KCNIP4: variants seen among roughly 807,000 people sequenced by gnomAD.
KCNIP4 encodes Kv channel-interacting protein 4.
A neutral mutation model predicts 34.0 loss-of-function variants in KCNIP4; 12 were observed. That is an observed-to-expected ratio of 0.35 (90% CI 0.23 to 0.57). The LOEUF (loss-of-function observed/expected upper bound fraction) is 0.57. KCNIP4 is among the 20% of genes least tolerant of loss of function. KCNIP4 has a pLI of 0.83. For missense variants in KCNIP4, 238 were observed against 311.7 expected (o/e 0.76, Z 1.78); for synonymous variants, 124 against 102.2 (o/e 1.21, Z -1.29).
intron 1 of KCNIP4, among the ~76,000 whole-genome samples, chr4:21,891,409 T>C (rs2109402253): frequency 6.6e-6 from 1 of 152,032 alleles, no homozygotes; most frequent in East Asian, 1.9e-4. Context: ...GAGAATTCCA[T>C]AGGAAAGTTC....
chr4:21,512,650 T>C (rs1409838260), intron 1 of KCNIP4, among the ~76,000 whole-genome samples: 1 of 152,158 alleles, frequency 6.6e-6, no homozygotes, highest in African/African-American at 2.4e-5. Context: ...CAAATGGCAA[T>C]AGGTTCATCT....
chr4:21,861,229 A>G (rs1725054457), intron 1 of KCNIP4, among the ~76,000 whole-genome samples: 1 of 152,204 alleles, frequency 6.6e-6, no homozygotes, highest in Admixed American at 6.5e-5. Context: ...ATAACCACAC[A>G]ATGGGAGTTA....
At chr4:20,921,661 A>T (rs1462510316) in intron 1 of KCNIP4, among the ~76,000 whole-genome samples, 5 of 152,222 alleles carry the variant, frequency 3.3e-5, no homozygotes, top group African/African-American at 4.8e-5. Flanking sequence ...AGAATTGCAG[A>T]ATTTAAATTA....
chr4:20,977,167 C>A lies in KCNIP4; in HGVS notation c.62-94458G>T, dbSNP rs926582687. ...CTTTAAACCACAAAATAATCAAATA[C>A]CTCCTATCCCAGCTAATATGAGTAA... is the stretch of plus-strand genomic sequence containing the variant. On this transcript the variant is annotated intron_variant, in intron 1 of 8. Transcript: ENST00000382152. 2.6e-5 allele frequency among the ~76,000 whole-genome samples: 4 copies of A among 152,140 alleles called. No individual in the cohort carries two copies. In the East Asian group the frequency reaches 7.7e-4, roughly 29 times the overall value.
intron 1 of KCNIP4, among the ~76,000 whole-genome samples, chr4:21,671,808 A>G (rs4697230): frequency 0.3 from 46,024 of 151,904 alleles, 8,264 homozygotes; most frequent in East Asian, 0.84. Flanking sequence ...GCTCATTTTA[A>G]ATGACCAGTG....
chr4:21,652,049 G>A lies in KCNIP4; in HGVS notation c.61+296522C>T, dbSNP rs373892371. 3.8e-4 allele frequency among the ~76,000 whole-genome samples: 58 copies of A among 152,258 alleles called. 2 individuals are homozygous for A. In the South Asian group the frequency reaches 1.0e-2, roughly 26 times the overall value. On this transcript the variant is annotated intron_variant, in intron 1 of 8. Transcript: ENST00000382152. ...TCAGCCCTAACACCGACATTGCGAAGTTCCAACAGGTCTACACCTCTAACA... is the reference window on the plus strand; with the variant it reads ...TCAGCCCTAACACCGACATTGCGAAATTCCAACAGGTCTACACCTCTAACA...
intron 1 of KCNIP4, among the ~76,000 whole-genome samples, chr4:21,333,383 A>T (rs563461940): frequency 2.9e-4 from 43 of 146,446 alleles, no homozygotes; most frequent in African/African-American, 8.8e-4. Flanking sequence ...ACCTAAAATT[A>T]AAAAAAAATC....
intron 1 of KCNIP4, among the ~76,000 whole-genome samples, chr4:21,940,896 G>A (rs989290068): frequency 6.6e-6 from 1 of 152,014 alleles, no homozygotes; most frequent in Non-Finnish European, 1.5e-5. Context: ...GAAGACTGGA[G>A]GATCAGTTCC....
chr4:21,656,644 T>C (rs1229156195), intron 1 of KCNIP4: 1 of 152,270 alleles, frequency 6.6e-6, no homozygotes, highest in African/African-American at 2.4e-5. Flanking sequence ...AGAACATTTC[T>C]TATTCCTTTA....
chr4:21,934,490 T>C (rs982489217), intron 1 of KCNIP4, among the ~76,000 whole-genome samples: 1 of 152,178 alleles, frequency 6.6e-6, no homozygotes. Context: ...AAAAATAAGA[T>C]TTGAAGGGGA....
intron 1 of KCNIP4, among the ~76,000 whole-genome samples, chr4:21,227,827 G>C (rs1270436172): frequency 6.6e-6 from 1 of 152,062 alleles, no homozygotes; most frequent in African/African-American, 2.4e-5. Context: ...TTTCCACATA[G>C]AGCTGACATA....
chr4:21,757,131 G>T (rs139565230), intron 1 of KCNIP4, among the ~76,000 whole-genome samples: 8,229 of 36,292 alleles, frequency 0.23, 477 homozygotes, highest in Middle Eastern at 0.35. Context: ...AAGAAAGAAA[G>T]AAAGAAAGAA....
intron 1 of KCNIP4, among the ~76,000 whole-genome samples, chr4:21,613,033 G>A (rs1161297700): frequency 6.6e-6 from 1 of 152,150 alleles, no homozygotes; most frequent in Non-Finnish European, 1.5e-5. Flanking sequence ...TGAGACCCTG[G>A]TTTCATCAGT....
chr4:21,245,722 G>A (rs1309885778), intron 1 of KCNIP4, among the ~76,000 whole-genome samples: 1 of 151,988 alleles, frequency 6.6e-6, no homozygotes, highest in Non-Finnish European at 1.5e-5. Context: ...GAGTATCTGG[G>A]GGAAGCACGT....
intron 1 of KCNIP4, among the ~76,000 whole-genome samples, chr4:21,891,424 G>A (rs1405650650): frequency 6.6e-6 from 1 of 152,024 alleles, no homozygotes; most frequent in African/African-American, 2.4e-5. Context: ...AAGTTCCATA[G>A]GGTTCTTCGG....
intron 1 of KCNIP4, among the ~76,000 whole-genome samples, chr4:21,332,415 C>G (rs1404324549): frequency 2.0e-5 from 3 of 151,888 alleles, no homozygotes; most frequent in Non-Finnish European, 4.4e-5. Flanking sequence ...TTATCCATCT[C>G]AATGGATAAG....
At chr4:20,778,096 C>G (rs1032966704) in intron 3 of KCNIP4, among the ~76,000 whole-genome samples, 2 of 152,164 alleles carry the variant, frequency 1.3e-5, no homozygotes, top group Middle Eastern at 3.2e-3. Flanking sequence ...CCTCCACTCC[C>G]AAACTCAGCA....
At chr4:21,840,919 C>T (rs1723638159) in intron 1 of KCNIP4, among the ~76,000 whole-genome samples, 1 of 152,142 alleles carries the variant, frequency 6.6e-6, no homozygotes, top group South Asian at 2.1e-4. Flanking sequence ...TCATGCACCA[C>T]CAGTTTCTAT....
At chr4:21,040,126 A>G (rs1741826397) in intron 1 of KCNIP4, among the ~76,000 whole-genome samples, 1 of 152,144 alleles carries the variant, frequency 6.6e-6, no homozygotes, top group South Asian at 2.1e-4. Context: ...CCCATGATCC[A>G]ATCACCTCCT....
Sources: gnomAD v4.1 joint callset for allele counts (sites outside exome capture counted in the v4.1 genomes callset) on GRCh38, gnomAD v4.1.1 for gene constraint, MANE v1.5 for transcripts, NCBI Gene and HGNC (gene_info 2026-07-23, HGNC 2026-07-21) for gene names.